Variants in ZNF444 observed in about 807,000 individuals in gnomAD.
ZNF444 encodes zinc finger protein 444.
In ZNF444, 8 loss-of-function variants were observed where a neutral mutation model predicts 14.4. The ratio of observed to expected loss-of-function variants is 0.56; its 90% CI spans 0.33 to 1.00. ZNF444 has a LOEUF of 1.00. Ranked by LOEUF, ZNF444 falls within the 50% of genes least tolerant of loss-of-function variation. ZNF444 has a pLI of 0.03. For synonymous variants in ZNF444, 258 were observed against 235.9 expected, an observed-to-expected ratio of 1.09 and a Z score of -0.86; for missense variants, 510 against 504.8, an observed-to-expected ratio of 1.01 and a Z score of -0.10.
upstream of ZNF444, among the ~76,000 whole-genome samples, chr19:56,139,053 C>T (rs2030678150): frequency 6.6e-6 from 1 of 151,988 alleles, no homozygotes; most frequent in Admixed American, 6.6e-5. Flanking sequence ...CTCGGTCTCC[C>T]AAAGTGCTGG....
chr19:56,144,740 T>C lies in ZNF444; in HGVS notation c.-196-1507T>C, dbSNP rs2031062451. Among the ~76,000 whole-genome samples, 1 of 129,440 alleles carries C rather than the reference T, an allele frequency of 7.7e-6. No homozygotes were observed. Among genetic ancestry groups the C allele is most frequent in the Admixed American group, 7.2e-5 (1 of 13,804 alleles). The allele number at this position is 129,440 out of a possible 152,430, so 84.9% of individuals were successfully genotyped here. A position where few individuals can be genotyped will look rare whatever the true frequency, so the allele number is the denominator to read the frequency against. On this transcript the variant is annotated intron_variant, in intron 1 of 4. Transcript: ENST00000337080. The surrounding 1 kb of genome is among the most constrained non-coding windows in gnomAD (Gnocchi z 4.0). ...CCTTGTGGTCAAGGGGACTTTGCTA[T>C]ATAGTTCCTTATGATACAGTCCAAG...
At chr19:56,133,538 C>T (rs1037390326) in intron 1 of ZNF444, among the ~76,000 whole-genome samples, 5 of 151,894 alleles carry the variant, frequency 3.3e-5, no homozygotes, top group Admixed American at 6.6e-5. Context: ...TCAGGCCGGG[C>T]GCGATGGCTC....
At chr19:56,156,834 T>A (rs1297963774) in intron 3 of ZNF444, 1 of 152,378 alleles carries the variant, frequency 6.6e-6, no homozygotes, top group Non-Finnish European at 1.5e-5. Context: ...GGCGCGCCTG[T>A]CCCCGCATGG....
At chr19:56,157,948 C>A (rs2123557438) in intron 3 of ZNF444, 1 of 152,220 alleles carries the variant, frequency 6.6e-6, no homozygotes, top group Non-Finnish European at 1.5e-5. Context: ...TCCTGCTTGG[C>A]AGCTGTTCTG....
upstream of ZNF444, among the ~76,000 whole-genome samples, chr19:56,137,022 A>C (rs1261298862): frequency 6.6e-6 from 1 of 151,148 alleles, no homozygotes; most frequent in Admixed American, 6.6e-5. Flanking sequence ...ACCTCAGGTA[A>C]TCCACCTGCC....
upstream of ZNF444, chr19:56,140,922 C>T (rs1041325514): frequency 3.3e-5 from 5 of 152,318 alleles, no homozygotes; most frequent in Admixed American, 6.5e-5. Flanking sequence ...TGTCCAGGGC[C>T]CGCGCGCAGA....
rs1568568352 is a variant in ZNF444 at position 56,160,131 on chromosome 19, C to G, written c.914C>G (p.Ala305Gly). The change falls in exon 5 of 5, where the codon GCC (alanine) becomes GGC (glycine). Residue 305 changes from alanine to glycine, a missense_variant. Transcript: ENST00000337080. ...RHQRIHGRAA[A>G]SAQGAVAPGP... ...CAGCGCATCCACGGCCGGGCAGCGG[C>G]CAGCGCGCAGGGGGCGGTAGCTCCG... 1 of 1,483,564 alleles carries G rather than the reference C, an allele frequency of 6.7e-7. No individual in the cohort carries two copies. The highest frequency in any genetic ancestry group is 8.9e-7 in the Non-Finnish European group (1 of 1,124,878). 91.9% of individuals were successfully genotyped at this position (1,483,564 alleles called of 1,614,324 possible).
chr19:56,137,300 G>A (rs1017533689), upstream of ZNF444, among the ~76,000 whole-genome samples: 50 of 151,590 alleles, frequency 3.3e-4, no homozygotes, highest in Non-Finnish European at 1.2e-4. Context: ...GCAAAACCCC[G>A]TCTCTATTAA....
At chr19:56,140,271 C>G (rs1278447755), upstream of ZNF444, among the ~76,000 whole-genome samples, 1 of 151,980 alleles carries the variant, frequency 6.6e-6, no homozygotes, top group Non-Finnish European at 1.5e-5. Flanking sequence ...GGAGGAAATA[C>G]GCTGCGGGCT....
intron 1 of ZNF444, among the ~76,000 whole-genome samples, chr19:56,134,145 CCCG>C (rs1339549139): frequency 6.6e-6 from 1 of 152,164 alleles, no homozygotes. Context: ...ATAAACCCAA[CCCG>C]AGCCTCCAGA....
chr19:56,137,063 G>C (rs867897867), upstream of ZNF444, among the ~76,000 whole-genome samples: 1 of 151,410 alleles, frequency 6.6e-6, no homozygotes. Context: ...GATTACAGGC[G>C]TGAGCCACTG....
intron 1 of ZNF444, chr19:56,142,412 G>A (rs565903792): frequency 5.3e-5 from 8 of 152,180 alleles, no homozygotes; most frequent in East Asian, 1.9e-4. Flanking sequence ...GTGGGCCAGC[G>A]GCTCTCAACC....
chr19:56,148,942 C>T (rs951246324), intron 3 of ZNF444, among the ~76,000 whole-genome samples: 2 of 152,208 alleles, frequency 1.3e-5, no homozygotes, highest in Non-Finnish European at 2.9e-5. Context: ...CCGGCCTTTT[C>T]CAGCTCCTAG....
upstream of ZNF444, chr19:56,140,874 C>T (rs1236550318): frequency 2.0e-5 from 3 of 152,210 alleles, no homozygotes; most frequent in Admixed American, 6.5e-5. Context: ...CATGGCTCCT[C>T]CTCCTCCTCC....
chr19:56,158,311 G>T, intron 3 of ZNF444, 183 bp from the exon 4 acceptor site: 1 of 529,902 alleles, frequency 1.9e-6, no homozygotes, highest in Non-Finnish European at 3.2e-6. Flanking sequence ...GCAGGGGGTT[G>T]GCAGGAGGCC....
chr19:56,143,137 G>A (rs190857711), intron 1 of ZNF444, among the ~76,000 whole-genome samples: 2 of 152,328 alleles, frequency 1.3e-5, no homozygotes, highest in Non-Finnish European at 2.9e-5. Context: ...AGCACAGGGC[G>A]CTCATTGGAT....
upstream of ZNF444, among the ~76,000 whole-genome samples, chr19:56,136,534 A>G (rs1276055228): frequency 6.6e-6 from 1 of 152,194 alleles, no homozygotes; most frequent in African/African-American, 2.4e-5. Flanking sequence ...CACTGGAGTT[A>G]AGTAAGAATA....
chr19:56,155,966 A>G (rs1040941397), intron 3 of ZNF444: 2 of 152,208 alleles, frequency 1.3e-5, no homozygotes, highest in East Asian at 3.9e-4. Context: ...GCCAGTCACA[A>G]GCCCCAGGTT....
At chr19:56,138,213 A>G (rs767542972), upstream of ZNF444, among the ~76,000 whole-genome samples, 28 of 152,208 alleles carry the variant, frequency 1.8e-4, no homozygotes, top group Non-Finnish European at 3.5e-4. Context: ...AAGGAAGGAG[A>G]TTTTGACATA....
Sources: gnomAD v4.1 joint callset for allele counts (sites outside exome capture counted in the v4.1 genomes callset) on GRCh38, gnomAD v4.1.1 for gene constraint, Gnocchi (gnomAD v3.1) non-coding constraint, MANE v1.5 for transcripts, NCBI Gene and HGNC (gene_info 2026-07-23, HGNC 2026-07-21) for gene names.